Variants in SUFU observed in about 807,000 individuals in gnomAD.
SUFU encodes the protein suppressor of fused homolog.
Under a neutral mutation model 58.9 loss-of-function variants are expected in SUFU, and 7 were observed. The ratio of observed to expected loss-of-function variants is 0.12; its 90% confidence interval spans 0.07 to 0.22. SUFU has a LOEUF of 0.22. Ranked by LOEUF, SUFU falls within the 10% of genes least tolerant of loss-of-function variation. The probability of loss-of-function intolerance (pLI) is 1.00; values close to 1 mark genes in which losing one functional copy is unlikely to be tolerated. For missense variants in SUFU, 451 were observed against 641.3 expected, an observed-to-expected ratio of 0.70 and a Z score of 3.20; for synonymous variants, 232 against 254.8, an observed-to-expected ratio of 0.91 and a Z score of 0.85.
intron 3 of SUFU, among the ~76,000 whole-genome samples, chr10:102,554,028 C>A (rs1250695733): frequency 6.6e-6 from 1 of 152,152 alleles, no homozygotes; most frequent in African/African-American, 2.4e-5. Flanking sequence ...CTGGAAGGTA[C>A]AGGCAGCAGT....
At chr10:102,545,488 G>T (rs2062846287) in intron 2 of SUFU, among the ~76,000 whole-genome samples, 2 of 151,986 alleles carry the variant, frequency 1.3e-5, no homozygotes, top group Non-Finnish European at 2.9e-5. Context: ...GGATCATATG[G>T]TGACTCTGTT....
intron 2 of SUFU, among the ~76,000 whole-genome samples, chr10:102,515,880 T>C (rs1319437695): frequency 2.6e-5 from 4 of 152,128 alleles, no homozygotes; most frequent in African/African-American, 9.7e-5. Context: ...GGATGTTCAG[T>C]GTCAGGATGA....
chr10:102,603,157 C>G (rs749801154), intron 8 of SUFU, among the ~76,000 whole-genome samples: 8 of 151,982 alleles, frequency 5.3e-5, no homozygotes, highest in Admixed American at 6.6e-5. Flanking sequence ...TAGAGGTTTT[C>G]TTTTATTTAT....
chr10:102,586,012 G>A (rs532549946), intron 3 of SUFU, among the ~76,000 whole-genome samples: 31 of 150,848 alleles, frequency 2.1e-4, no homozygotes, highest in Non-Finnish European at 3.7e-4. Context: ...AACCTCCCTA[G>A]TAGCTGGGAT....
At chr10:102,579,971 G>T in intron 3 of SUFU, 2 of 531,060 alleles carry the variant, frequency 3.8e-6, no homozygotes, top group Non-Finnish European at 4.8e-6. Context: ...TTACCTTCTA[G>T]CCCCAAGAGC....
At chr10:102,503,434 G>T (rs2062275758), upstream of SUFU, among the ~76,000 whole-genome samples, 1 of 152,024 alleles carries the variant, frequency 6.6e-6, no homozygotes, top group Non-Finnish European at 1.5e-5. Context: ...TTTTCATAAC[G>T]AGCTAGAATT....
chr10:102,541,734 G>C (rs2062803050), intron 2 of SUFU, among the ~76,000 whole-genome samples: 1 of 103,384 alleles, frequency 9.7e-6, no homozygotes, highest in Admixed American at 1.2e-4. Flanking sequence ...TTTTGAGACA[G>C]TTTTGCTCTT....
At chr10:102,562,867 G>A (rs2063052746) in intron 3 of SUFU, among the ~76,000 whole-genome samples, 1 of 152,194 alleles carries the variant, frequency 6.6e-6, no homozygotes, top group Admixed American at 6.5e-5. Flanking sequence ...CTCTAGCCTG[G>A]GCGACAGAGT....
intron 8 of SUFU, among the ~76,000 whole-genome samples, chr10:102,614,705 G>A (rs748384322): frequency 1.8e-4 from 28 of 151,536 alleles, no homozygotes; most frequent in Non-Finnish European, 3.5e-4. Context: ...GTGAAACCCC[G>A]TCTCTACTAA....
Position 102,617,412 on chromosome 10 carries a change from A to G in SUFU, c.1280A>G (p.His427Arg), listed in dbSNP as rs771305734. ...FATEEHPYAA[H>R]GPWLQILLTE... ...ACTGAGGAGCATCCTTACGCGGCTC[A>G]TGGACCCTGGTTACAAGTGAGAAGG... The change falls in exon 10 of 12, where the codon CAT (histidine) becomes CGT (arginine). Residue 427 changes from histidine to arginine, a missense_variant. Coordinates refer to ENST00000369902, the MANE Select transcript of SUFU (RefSeq NM_016169.4). This position sits in a 1 kb window ranked among gnomAD's most constrained non-coding sequence, Gnocchi z 4.4. 5 of 1,614,218 alleles carry G rather than the reference A, an allele frequency of 3.1e-6. No individual in the cohort carries two copies. In the Admixed American group the frequency reaches 8.3e-5, roughly 27 times the overall value.
At chr10:102,524,825 A>G (rs1380840643) in intron 2 of SUFU, among the ~76,000 whole-genome samples, 2 of 152,256 alleles carry the variant, frequency 1.3e-5, no homozygotes, top group Non-Finnish European at 2.9e-5. Context: ...CCAGTACATC[A>G]GTAAATATTT....
intron 2 of SUFU, among the ~76,000 whole-genome samples, chr10:102,514,868 C>T (rs749003787): frequency 2.0e-5 from 3 of 152,244 alleles, no homozygotes; most frequent in Non-Finnish European, 4.4e-5. Context: ...TTGGAGAGTG[C>T]ATTTGAGAAC....
intron 3 of SUFU, among the ~76,000 whole-genome samples, chr10:102,568,962 A>ATATATATATATATATATATC (rs1409831622): frequency 1.2e-5 from 1 of 80,926 alleles, no homozygotes; most frequent in Non-Finnish European, 2.3e-5. Context: ...ATATATATAT[A>ATATATATATATATATATATC]TCTATAGCAG....
chr10:102,582,005 C>T (rs1216496862), intron 3 of SUFU, among the ~76,000 whole-genome samples: 1 of 152,210 alleles, frequency 6.6e-6, no homozygotes, highest in Non-Finnish European at 1.5e-5. Flanking sequence ...AGACTAGCCA[C>T]TCCTGTGACA....
intron 3 of SUFU, among the ~76,000 whole-genome samples, chr10:102,591,297 G>A (rs1174775872): frequency 1.8e-4 from 28 of 152,092 alleles, no homozygotes; most frequent in Non-Finnish European, 1.0e-4. Context: ...TCAGGAGATC[G>A]AGGCCATCCT....
In SUFU at chr10:102,630,750, C is replaced by A. The variant is rs180791058; in HGVS notation, c.*595C>A. 20 of 250,076 alleles carry A rather than the reference C, an allele frequency of 8.0e-5. No individual in the cohort carries two copies. Among genetic ancestry groups the A allele is most frequent in the Admixed American group, 7.3e-4 (15 of 20,670 alleles). 15.5% of individuals were successfully genotyped at this position (250,076 alleles called of 1,614,324 possible). A position where few individuals can be genotyped will look rare whatever the true frequency, so the allele number is the denominator to read the frequency against. On this transcript the variant is annotated 3_prime_UTR_variant, in exon 12 of 12. Coordinates refer to ENST00000369902, the MANE Select transcript of SUFU (RefSeq NM_016169.4). ...GTTTTTTAAACAGAACTTCATTCCC[C>A]GTTGAACTTTCGCATTCTCTGACAG...
chr10:102,598,899 G>A (rs1304513256), intron 7 of SUFU, among the ~76,000 whole-genome samples: 2 of 152,140 alleles, frequency 1.3e-5, no homozygotes, highest in Non-Finnish European at 2.9e-5. Context: ...TCTCCATGGA[G>A]AGGCAGAGTT....
rs2063726440 is a variant in SUFU at position 102,619,980 on chromosome 10, G to C, written c.1296+2552G>C. ...AAGAGGCCCACCCTTGCTCCCTGCA[G>C]GCATCTCTTGCTCGCACCCCCAGGG... On this transcript the variant is annotated intron_variant, in intron 10 of 11. Coordinates refer to ENST00000369902, the MANE Select transcript of SUFU (RefSeq NM_016169.4). This position sits in a 1 kb window ranked among gnomAD's most constrained non-coding sequence, Gnocchi z 4.2. Among the ~76,000 whole-genome samples, 1 of 152,216 alleles carries C rather than the reference G, an allele frequency of 6.6e-6. No homozygotes were observed. Among genetic ancestry groups the C allele is most frequent in the Non-Finnish European group, 1.5e-5 (1 of 68,032 alleles).
At chr10:102,592,904 G>T (rs2063418999) in intron 4 of SUFU, among the ~76,000 whole-genome samples, 180 bp downstream of exon 4, 1 of 152,198 alleles carries the variant, frequency 6.6e-6, no homozygotes, top group African/African-American at 2.4e-5. Context: ...CTGCTGAGAT[G>T]GGAGAGGGGA....
Sources: gnomAD v4.1 joint callset for allele counts (sites outside exome capture counted in the v4.1 genomes callset) on GRCh38, gnomAD v4.1.1 for gene constraint, Gnocchi (gnomAD v3.1) non-coding constraint, MANE v1.5 for transcripts, NCBI Gene and HGNC (gene_info 2026-07-23, HGNC 2026-07-21) for gene names.